Variants in SEC24D observed in about 807,000 individuals in gnomAD.
SEC24D encodes the protein SEC24 homolog D, COPII component, also known as protein transport protein Sec24D.
In SEC24D, 69 loss-of-function variants were observed where a neutral mutation model predicts 116.9. The ratio of observed to expected loss-of-function variants is 0.59; its 90% CI spans 0.49 to 0.72. The LOEUF (loss-of-function observed/expected upper bound fraction) is 0.72. Among genes scored for constraint, SEC24D ranks in the 30% least tolerant of loss-of-function variants. The pLI is 0.00. For synonymous variants in SEC24D, 405 were observed against 442.8 expected (o/e 0.91, Z 1.07); for missense variants, 1,131 against 1,264.1 (o/e 0.89, Z 1.60).
intron 13 of SEC24D, among the ~76,000 whole-genome samples, chr4:118,745,670 A>G (rs971212418): frequency 6.6e-5 from 10 of 152,224 alleles, no homozygotes; most frequent in African/African-American, 2.4e-4. Flanking sequence ...AAGCTCCATG[A>G]CAGTCAAGTC....
At chr4:118,768,730 T>C (rs760300918) in intron 8 of SEC24D, among the ~76,000 whole-genome samples, 83 of 152,298 alleles carry the variant, frequency 5.4e-4, no homozygotes, top group South Asian at 1.7e-3. Flanking sequence ...CTCTTAGCTT[T>C]TGCCCCAGGA....
intron 22 of SEC24D, among the ~76,000 whole-genome samples, chr4:118,725,176 A>G (rs1254327322): frequency 1.3e-5 from 2 of 152,204 alleles, no homozygotes; most frequent in African/African-American, 4.8e-5. Context: ...CAACTCAGCT[A>G]ATTCCATGTG....
At chr4:118,757,670 A>G (rs1322178223) in intron 11 of SEC24D, 51 bp downstream of exon 11, 1 of 1,556,326 alleles carries the variant, frequency 6.4e-7, no homozygotes, top group Non-Finnish European at 8.7e-7. Context: ...TGGCCAATAA[A>G]TTAATTAGGC....
chr4:118,750,362 A>G (rs1042259494), intron 13 of SEC24D, among the ~76,000 whole-genome samples: 24 of 152,226 alleles, frequency 1.6e-4, no homozygotes, highest in African/African-American at 5.3e-4. Flanking sequence ...TGGACTGCCA[A>G]TGTGGAAACC....
At chr4:118,762,532 T>C (rs569265617) in intron 10 of SEC24D, among the ~76,000 whole-genome samples, 22 of 145,066 alleles carry the variant, frequency 1.5e-4, no homozygotes, top group Non-Finnish European at 3.2e-4. Context: ...AAAATCAACA[T>C]TAAGATGAGC....
In SEC24D at chr4:118,784,748, C is replaced by G. The variant is rs936211683; in HGVS notation, c.1041+12935G>C. Among the ~76,000 whole-genome samples, 15 of 151,480 alleles carry G rather than the reference C, an allele frequency of 9.9e-5. 1 individual carries two copies. The highest frequency in any genetic ancestry group is 1.9e-4 in the African/African-American group (8 of 41,066). On this transcript the variant is annotated intron_variant, in intron 8 of 22. Transcript: ENST00000280551. ...CATAACATCCTTCCCTGCCCCCCCC[C>G]CCGCCACCAAATACACACAAACACA...
intron 8 of SEC24D, among the ~76,000 whole-genome samples, chr4:118,793,550 G>A (rs1322487486): frequency 2.6e-5 from 4 of 151,506 alleles, no homozygotes; most frequent in Non-Finnish European, 5.9e-5. Context: ...GTGTAGTAGA[G>A]CAGCAATAAT....
In SEC24D at chr4:118,757,773, G is replaced by C. The variant is rs1395041576; in HGVS notation, c.1369C>G (p.Leu457Val). The change falls in exon 11 of 23, where the codon CTT (leucine) becomes GTT (valine). Residue 457 changes from leucine (L) to valine (V), a missense_variant. Transcript: ENST00000280551. Reference sequence around the variant, plus strand: ...AGTTCTTCACATATGAGCTTGACAAGTCCATTCTTTATGTTACTATATGAA... The same window carrying C: ...AGTTCTTCACATATGAGCTTGACAACTCCATTCTTTATGTTACTATATGAA... The part of the protein sequence containing the change: ...DVSYSNIKNG[L>V]VKLICEELKT... 2 of 1,611,668 alleles carry C rather than the reference G, an allele frequency of 1.2e-6. No individual in the cohort carries two copies. Among genetic ancestry groups the C allele is most frequent in the Non-Finnish European group, 1.7e-6 (2 of 1,179,000 alleles).
chr4:118,778,058 C>T (rs1476236684), intron 8 of SEC24D, among the ~76,000 whole-genome samples: 9 of 151,972 alleles, frequency 5.9e-5, no homozygotes, highest in Admixed American at 3.9e-4. Flanking sequence ...CTGTAGGTTG[C>T]CTGTTCACTC....
intron 7 of SEC24D, among the ~76,000 whole-genome samples, chr4:118,804,885 T>TACAC (rs71954957): frequency 0.021 from 3,023 of 140,954 alleles, 49 homozygotes; most frequent in African/African-American, 0.048. Context: ...TATGCATGCA[T>TACAC]ACACACACAC....
At chr4:118,729,873 C>T (rs1312544365) in intron 21 of SEC24D, 1 of 152,208 alleles carries the variant, frequency 6.6e-6, no homozygotes, top group African/African-American at 2.4e-5. Context: ...TTTACATTCA[C>T]ACTCCCATCC....
chr4:118,792,416 G>T (rs1728967813), intron 8 of SEC24D, among the ~76,000 whole-genome samples: 2 of 152,226 alleles, frequency 1.3e-5, no homozygotes, highest in South Asian at 4.1e-4. Flanking sequence ...TTGAGAACGG[G>T]CCTAAATGAC....
At chr4:118,773,429 ATGTAT>A (rs1016961350) in intron 8 of SEC24D, among the ~76,000 whole-genome samples, 3 of 152,220 alleles carry the variant, frequency 2.0e-5, no homozygotes, top group Non-Finnish European at 4.4e-5. Flanking sequence ...ATCACTGTAA[ATGTAT>A]CTCTCTAGCA....
rs142063505 is a variant in SEC24D, at chr4:118,824,692, G to A, written c.176C>T (p.Pro59Leu). ...ATGGGGTCCAGGAGGTGGGGGACCC[G>A]GAGGCAACATTCCCCTAGTGGCGGT... ...GATATRGMLPPGPPPPGPHQF... is the reference protein window; with the variant it reads ...GATATRGMLPLGPPPPGPHQF... The change falls in exon 3 of 23, where the codon CCG becomes CTG. Residue 59 changes from proline to leucine, a missense_variant. Transcript: ENST00000280551. 2.0e-5 allele frequency: 32 copies of A among 1,608,336 alleles called. No homozygotes were observed. The highest frequency in any genetic ancestry group is 1.1e-4 in the South Asian group (10 of 89,960).
At chr4:118,772,523 A>C (rs1017325907) in intron 8 of SEC24D, among the ~76,000 whole-genome samples, 1 of 152,204 alleles carries the variant, frequency 6.6e-6, no homozygotes, top group Admixed American at 6.5e-5. Context: ...ATTGCCAAGA[A>C]AAACTTATTT....
chr4:118,736,981 C>A (rs927429464), intron 19 of SEC24D, among the ~76,000 whole-genome samples: 2 of 152,178 alleles, frequency 1.3e-5, no homozygotes, highest in African/African-American at 4.8e-5. Flanking sequence ...GTCTTTGAAT[C>A]CAGTTGTTTC....
chr4:118,746,258 C>T (rs1423842198), intron 13 of SEC24D, among the ~76,000 whole-genome samples: 5 of 107,990 alleles, frequency 4.6e-5, no homozygotes, highest in Admixed American at 3.2e-4. Context: ...GGAAGGCATC[C>T]TGAAGGCTTT....
chr4:118,773,271 A>C (rs949374321), intron 8 of SEC24D, among the ~76,000 whole-genome samples: 4 of 151,570 alleles, frequency 2.6e-5, no homozygotes, highest in Admixed American at 6.6e-5. Flanking sequence ...ACCTTGGCTA[A>C]GCAGTTACTG....
chr4:118,744,922 T>A (rs779886867), intron 14 of SEC24D, 22 bp downstream of exon 14: 75 of 1,271,384 alleles, frequency 5.9e-5, no homozygotes, highest in Non-Finnish European at 8.6e-5. Flanking sequence ...GACATATGGA[T>A]ACTCAAAGAG....
Sources: allele counts gnomAD v4.1 joint callset (sites outside exome capture counted in the v4.1 genomes callset), GRCh38; gene constraint gnomAD v4.1.1; transcripts MANE v1.5; gene names NCBI Gene and HGNC (gene_info 2026-07-23, HGNC 2026-07-21).